Variants in MROH2B observed in about 807,000 individuals in gnomAD.
The protein encoded by MROH2B is maestro heat-like repeat-containing protein family member 2B.
In MROH2B, 177 loss-of-function variants were observed where a neutral mutation model predicts 208.6. The ratio of observed to expected loss-of-function variants is 0.85; its 90% CI spans 0.75 to 0.96. The LOEUF (loss-of-function observed/expected upper bound fraction) is 0.96, where lower values mean the gene tolerates loss of function less well. Among genes scored for constraint, MROH2B ranks in the 40% least tolerant of loss-of-function variants. The pLI is 0.00. For synonymous variants in MROH2B, 728 were observed against 659.0 expected (o/e 1.10, Z -1.60); for missense variants, 2,002 against 1,878.7 (o/e 1.07, Z -1.21).
intron 24 of MROH2B, among the ~76,000 whole-genome samples, chr5:41,031,611 G>A (rs1385085606): frequency 6.6e-6 from 1 of 151,840 alleles, no homozygotes; most frequent in African/African-American, 2.4e-5. Context: ...TTTATTTTAG[G>A]TTCAGACGGT....
intron 24 of MROH2B, among the ~76,000 whole-genome samples, chr5:41,023,347 A>G (rs1742227516): frequency 6.6e-6 from 1 of 152,206 alleles, no homozygotes; most frequent in African/African-American, 2.4e-5. Flanking sequence ...GAGTCCTTAA[A>G]TGACCTGATG....
At chr5:41,031,625 T>C (rs963905769) in intron 24 of MROH2B, among the ~76,000 whole-genome samples, 2 of 152,100 alleles carry the variant, frequency 1.3e-5, no homozygotes, top group African/African-American at 4.8e-5. Context: ...AGACGGTACA[T>C]GTGTGGGTTT....
In MROH2B at chr5:41,008,698, G is replaced by A. The variant is rs1741673289; in HGVS notation, c.3516C>T (p.Cys1172=). ...AAGTGAGCATCTTCTGGCCCAGTGTGCAGCTAACCAGCTTCAGGAGGAGAG... is the reference window on the plus strand; with the variant it reads ...AAGTGAGCATCTTCTGGCCCAGTGTACAGCTAACCAGCTTCAGGAGGAGAG... ...LFTLLLKLVS[C]TLGQKMLTCP... The change falls in exon 33 of 42, where the codon TGC becomes TGT. Residue 1172 remains cysteine (C), a synonymous_variant. Transcript: ENST00000399564. 2.5e-6 allele frequency: 4 copies of A among 1,613,910 alleles called. No homozygotes were observed. The highest frequency in any genetic ancestry group is 2.2e-5 in the East Asian group (1 of 44,876).
Position 41,071,118 on chromosome 5 carries a change from C to CA in MROH2B, c.-267dup, listed in dbSNP as rs147753849. On this transcript the variant is annotated 5_prime_UTR_variant, in exon 1 of 42. Coordinates refer to ENST00000399564, the MANE Select transcript of MROH2B (RefSeq NM_173489.5). Reference sequence around the variant, plus strand: ...AACCAACAAAATGGCTGCATCTCACCAAATATTGTCCCTTTGGTGACCAGA... The same window carrying CA: ...AACCAACAAAATGGCTGCATCTCACCAAAATATTGTCCCTTTGGTGACCAGA... The CA allele has an allele frequency of 3.5e-3, 1,483 of 419,726 alleles. 42 individuals carry two copies. In the East Asian group the frequency reaches 0.054, roughly 15 times the overall value. The allele number at this position is 419,726 out of a possible 1,614,324, so 26.0% of individuals were successfully genotyped here. A position where few individuals can be genotyped will look rare whatever the true frequency, so the allele number is the denominator to read the frequency against.
intron 13 of MROH2B, among the ~76,000 whole-genome samples, chr5:41,050,236 G>C (rs572199494): frequency 2.0e-5 from 3 of 152,108 alleles, no homozygotes; most frequent in Non-Finnish European, 4.4e-5. Context: ...ATTTTCATTG[G>C]TTTATCAACC....
intron 11 of MROH2B, 50 bp downstream of exon 11, chr5:41,054,717 C>T (rs764452161): frequency 7.3e-7 from 1 of 1,364,512 alleles, no homozygotes; most frequent in East Asian, 2.4e-5. Flanking sequence ...AAAATAATTT[C>T]ATTCATTCTT....
At chr5:41,037,392 A>G (rs1742800178) in intron 21 of MROH2B, among the ~76,000 whole-genome samples, 1 of 152,232 alleles carries the variant, frequency 6.6e-6, no homozygotes, top group African/African-American at 2.4e-5. Context: ...GGGCATCAGA[A>G]TCAACTCTTG....
chr5:41,026,798 C>T (rs1035434673), intron 24 of MROH2B, among the ~76,000 whole-genome samples: 25 of 152,130 alleles, frequency 1.6e-4, no homozygotes, highest in African/African-American at 5.3e-4. Flanking sequence ...CACTACAAGG[C>T]TACAGTGACC....
chr5:41,018,382 C>G lies in MROH2B; in HGVS notation c.2722G>C (p.Ala908Pro). Residue 908 changes from alanine (A) to proline (P), a missense_variant, in exon 27 of 42, where the codon GCC (alanine) becomes CCC (proline). Ala to Pro is a conservative substitution (Grantham distance 27). Transcript: ENST00000399564. ...VSQKEWERER[A>P]FQITAKVLTN... ...AGCACTTTCGCAGTGATCTGGAAGGCTCTTTCTCTTTCCCACTCTTTTTGT... is the reference window on the plus strand; with the variant it reads ...AGCACTTTCGCAGTGATCTGGAAGGGTCTTTCTCTTTCCCACTCTTTTTGT... 1 of 1,613,276 alleles carries G rather than the reference C, an allele frequency of 6.2e-7. No homozygotes were observed. Among genetic ancestry groups the G allele is most frequent in the South Asian group, 1.1e-5 (1 of 90,852 alleles).
chr5:41,034,198 G>C lies in MROH2B; in HGVS notation c.2215-334C>G, dbSNP rs1188667315. 4.1e-5 allele frequency: 16 copies of C among 393,750 alleles called. No individual in the cohort carries two copies. The East Asian group carries it at 2.3e-3, about 56-fold the overall frequency. 24.4% of individuals were successfully genotyped at this position (393,750 alleles called of 1,614,324 possible). A position where few individuals can be genotyped will look rare whatever the true frequency, so the allele number is the denominator to read the frequency against. On this transcript the variant is annotated intron_variant, in intron 21 of 41. Transcript: ENST00000399564. ...TAAGGAAAAAGGGTAAAGGCTCTTA[G>C]GGAAATGAGAAGCGAAAAACTATAA...
chr5:41,068,711 G>A (rs1287217366), intron 2 of MROH2B, among the ~76,000 whole-genome samples: 2 of 131,172 alleles, frequency 1.5e-5, no homozygotes, highest in African/African-American at 2.9e-5. Flanking sequence ...GGGATCCGGA[G>A]GTTATTCTCT....
At position 41,001,196 on chromosome 5, in the gene MROH2B, C is replaced by G. The variant is rs79174889; in HGVS notation, c.4195-363G>C. On this transcript the variant is annotated intron_variant, in intron 37 of 41. Coordinates refer to ENST00000399564, the MANE Select transcript of MROH2B (RefSeq NM_173489.5). ...GCTTGTTATGTATTTTACTTGGTTG[C>G]GTTACTAGCCTAGAATTATGGGACC... 7.7e-3 allele frequency among the ~76,000 whole-genome samples: 1,176 copies of G among 152,130 alleles called. 42 individuals carry two copies. In the East Asian group the frequency reaches 0.13, roughly 17 times the overall value.
rs764213574 is a variant in MROH2B, at chr5:41,033,820, TC to T, written c.2241+17del. ...ATCTATCTATCTATCTATCTATCTA[TC>T]TATCTATCTCTCCTACCTTGTTCAT... On this transcript the variant is annotated intron_variant, in intron 22 of 41. Transcript: ENST00000399564. 3,057 of 1,039,974 alleles carry T rather than the reference TC, an allele frequency of 2.9e-3. 112 individuals are homozygous for T. Among genetic ancestry groups the T allele is most frequent in the Middle Eastern group, 0.015 (63 of 4,260 alleles). 64.4% of individuals were successfully genotyped at this position (1,039,974 alleles called of 1,614,324 possible).
At chr5:41,021,399 T>C (rs975113617) in intron 24 of MROH2B, among the ~76,000 whole-genome samples, 5 of 152,184 alleles carry the variant, frequency 3.3e-5, no homozygotes, top group Admixed American at 3.3e-4. Flanking sequence ...GTAATTCCTA[T>C]CAAAATACCA....
intron 13 of MROH2B, 63 bp downstream of exon 13, chr5:41,050,914 A>G (rs1364865185): frequency 2.8e-6 from 3 of 1,068,188 alleles, no homozygotes; most frequent in Non-Finnish European, 4.1e-6. Context: ...CTTTATTCTT[A>G]CACAGGCTGG....
At chr5:41,004,970 C>T (rs1561273734) in intron 35 of MROH2B, 50 bp from the exon 36 acceptor site, 1 of 1,588,430 alleles carries the variant, frequency 6.3e-7, no homozygotes. Flanking sequence ...GTGGCCCCTC[C>T]TTCAGGAGAG....
At position 41,070,818 on chromosome 5, in the gene MROH2B, T is replaced by C. The variant is rs374701873; in HGVS notation, c.28+7A>G. ...GCCTTGGCTTCTCAGGATCTGATGA[T>C]GCTTACCTATGGATTCCTCTGTACT... is the stretch of plus-strand genomic sequence containing the variant. On this transcript the variant is annotated splice_region_variant and intron_variant, in intron 1 of 41. Transcript: ENST00000399564. 22 of 1,610,176 alleles carry C rather than the reference T, an allele frequency of 1.4e-5. No individual in the cohort carries two copies. The highest frequency in any genetic ancestry group is 1.8e-5 in the Non-Finnish European group (21 of 1,178,176).
rs547433055 is a variant in MROH2B, at chr5:41,039,349, G to T, written c.2061+99C>A. 3.1e-4 allele frequency: 213 copies of T among 685,544 alleles called. No homozygotes were observed. In the African/African-American group the frequency reaches 3.4e-3, roughly 11 times the overall value. The allele number at this position is 685,544 out of a possible 1,614,324, so 42.5% of individuals were successfully genotyped here. A position where few individuals can be genotyped will look rare whatever the true frequency, so the allele number is the denominator to read the frequency against. Reference sequence around the variant, plus strand: ...TTCTGACCTGGAATAAGAACCTGGGGACAGGAGTAAGTATAATATAAGAAA... The same window carrying T: ...TTCTGACCTGGAATAAGAACCTGGGTACAGGAGTAAGTATAATATAAGAAA... On this transcript the variant is annotated intron_variant, in intron 20 of 41. Coordinates refer to ENST00000399564, the MANE Select transcript of MROH2B (RefSeq NM_173489.5).
In MROH2B at chr5:41,033,089, A is replaced by C. The variant is rs572144875; in HGVS notation, c.2313T>G (p.Asp771Glu). 6.2e-7 allele frequency: 1 copy of C among 1,613,104 alleles called. No homozygotes were observed. The highest frequency in any genetic ancestry group is 8.5e-7 in the Non-Finnish European group (1 of 1,179,312). ...CCTTGTAGGAAAACTGGAACCCCTG[A>C]TCCTCAGCATCTTGGACAGCAATGC... Reference protein sequence around the residue: ...EIGIAVQDAEDQGFQFSYKEM... With the variant: ...EIGIAVQDAEEQGFQFSYKEM... The change falls in exon 23 of 42, where the codon GAT becomes GAG. Residue 771 changes from aspartate to glutamate, a missense_variant. Transcript: ENST00000399564.
Sources: allele counts gnomAD v4.1 joint callset (sites outside exome capture counted in the v4.1 genomes callset), GRCh38; gene constraint gnomAD v4.1.1; transcripts MANE v1.5; gene names NCBI Gene and HGNC (gene_info 2026-07-23, HGNC 2026-07-21).